Variants in ATP10B observed in about 807,000 individuals in gnomAD.
ATP10B encodes ATPase phospholipid transporting 10B (putative).
In ATP10B, 122 loss-of-function variants were observed where a neutral mutation model predicts 141.2. The ratio of observed to expected loss-of-function variants is 0.86; its 90% CI spans 0.75 to 1.00. The LOEUF (loss-of-function observed/expected upper bound fraction) is 1.00. Among genes scored for constraint, ATP10B ranks in the 50% least tolerant of loss-of-function variants. ATP10B has a pLI of 0.00. For synonymous variants in ATP10B, 685 were observed against 692.0 expected, an observed-to-expected ratio of 0.99 and a Z score of 0.16; for missense variants, 1,876 against 1,825.3, an observed-to-expected ratio of 1.03 and a Z score of -0.51.
At chr5:160,733,418 A>C (rs1766873177) in intron 2 of ATP10B, among the ~76,000 whole-genome samples, 1 of 152,168 alleles carries the variant, frequency 6.6e-6, no homozygotes, top group Non-Finnish European at 1.5e-5. Context: ...AAAACTTCCC[A>C]AATTTGACAA....
the ATP10B span, among the ~76,000 whole-genome samples, chr5:160,898,196 C>G: frequency 6.6e-6 from 1 of 152,106 alleles, no homozygotes. Context: ...AAGAAACTAT[C>G]ATTAGAGTGA....
At chr5:160,871,338 G>A in the ATP10B span, among the ~76,000 whole-genome samples, 2,197 of 152,074 alleles carry the variant, frequency 0.014, 27 homozygotes, top group Non-Finnish European at 0.023. Context: ...TTGTTATAAT[G>A]TACTCACATT....
rs115149982 is a variant in ATP10B, at chr5:160,665,465, A to G, written c.675+4998T>C. 6.8e-3 allele frequency among the ~76,000 whole-genome samples: 1,029 copies of G among 152,352 alleles called. 11 individuals are homozygous for G. Among genetic ancestry groups the G allele is most frequent in the African/African-American group, 0.023 (950 of 41,570 alleles). The stretch of plus-strand genomic sequence containing the variant: ...TGCTGAAAAATAATTCTTAGGTTAA[A>G]TAAATTTGGAGAGCTCAGGGCTAAA... On this transcript the variant is annotated intron_variant, in intron 7 of 25. Transcript: ENST00000327245.
rs1400557807 is a variant in ATP10B, at chr5:160,653,433, TACA to T, written c.676-4180_676-4178del. Reference sequence around the variant, plus strand: ...TACATAGGTAGTATATATACATATGTACATACATACATAGGTAGTATATATACA... The same window carrying T: ...TACATAGGTAGTATATATACATATGTTACATACATAGGTAGTATATATACA... On this transcript the variant is annotated intron_variant, in intron 7 of 25. Coordinates refer to ENST00000327245, the MANE Select transcript of ATP10B (RefSeq NM_025153.3). Among the ~76,000 whole-genome samples the T allele has an allele frequency of 7.8e-4, 34 of 43,456 alleles. 14 individuals are homozygous for T. Among genetic ancestry groups the T allele is most frequent in the African/African-American group, 1.9e-3 (22 of 11,300 alleles). The allele number at this position is 43,456 out of a possible 152,430, so 28.5% of individuals were successfully genotyped here.
In ATP10B at chr5:160,820,763, T is replaced by C. The variant is rs116326963; in HGVS notation, c.-576+31178A>G. ...TATGCAAATCAATCAATGGGATACA[T>C]CAGATGAACAGAATGAAGGTTAAAA... On this transcript the variant is annotated intron_variant, in intron 1 of 25. Coordinates refer to ENST00000327245, the MANE Select transcript of ATP10B (RefSeq NM_025153.3). Among the ~76,000 whole-genome samples, 1,066 of 152,214 alleles carry C rather than the reference T, an allele frequency of 7.0e-3. 18 individuals carry two copies. The highest frequency in any genetic ancestry group is 0.024 in the African/African-American group (1,005 of 41,564).
chr5:160,765,914 C>G (rs1348802426), intron 2 of ATP10B, among the ~76,000 whole-genome samples: 1 of 151,932 alleles, frequency 6.6e-6, no homozygotes, highest in African/African-American at 2.4e-5. Context: ...AGAAAATTTT[C>G]AAGAGAAGAT....
At chr5:160,684,217 T>C (rs1252112493) in intron 6 of ATP10B, among the ~76,000 whole-genome samples, 1 of 152,246 alleles carries the variant, frequency 6.6e-6, no homozygotes, top group Non-Finnish European at 1.5e-5. Flanking sequence ...GGGTTTGACA[T>C]TCTAAAAATA....
the ATP10B span, among the ~76,000 whole-genome samples, chr5:160,896,307 C>T: frequency 1.3e-5 from 2 of 150,064 alleles, no homozygotes; most frequent in Admixed American, 6.6e-5. Context: ...GACCACTAGC[C>T]AGATTATTAA....
intron 1 of ATP10B, among the ~76,000 whole-genome samples, chr5:160,840,129 G>A (rs1775720938): frequency 6.6e-6 from 1 of 151,980 alleles, no homozygotes; most frequent in Non-Finnish European, 1.5e-5. Context: ...TGTTTAGGAT[G>A]TCTCAACATA....
At chr5:160,636,635 T>A (rs1481281484) in intron 10 of ATP10B, among the ~76,000 whole-genome samples, 1 of 152,190 alleles carries the variant, frequency 6.6e-6, no homozygotes, top group African/African-American at 2.4e-5. Flanking sequence ...TTGTTCTTTT[T>A]TGTTCTGTGG....
At chr5:160,675,615 G>C (rs1317334174) in intron 6 of ATP10B, among the ~76,000 whole-genome samples, 1 of 152,218 alleles carries the variant, frequency 6.6e-6, no homozygotes, top group Non-Finnish European at 1.5e-5. Flanking sequence ...ACAGGATGAT[G>C]AGCTGGCCTG....
the ATP10B span, among the ~76,000 whole-genome samples, chr5:160,868,521 T>C: frequency 1.9e-4 from 25 of 130,396 alleles, no homozygotes; most frequent in East Asian, 1.2e-3. Context: ...TATGAACAGA[T>C]ACACACACAC....
At chr5:160,643,694 G>A (rs143787245) in intron 9 of ATP10B, among the ~76,000 whole-genome samples, 13 of 152,318 alleles carry the variant, frequency 8.5e-5, no homozygotes, top group Admixed American at 2.0e-4. Context: ...AGGCAGTGCT[G>A]GATGCTTTTC....
At chr5:160,825,745 T>G (rs1007645155) in intron 1 of ATP10B, among the ~76,000 whole-genome samples, 4 of 152,062 alleles carry the variant, frequency 2.6e-5, no homozygotes, top group African/African-American at 7.2e-5. Context: ...GTATACTGTA[T>G]CCAGGTAGTG....
chr5:160,691,860 G>A (rs1396317532), intron 3 of ATP10B: 1 of 152,138 alleles, frequency 6.6e-6, no homozygotes, highest in Non-Finnish European at 1.5e-5. Context: ...CTATCATAAT[G>A]TGACCAAAAG....
At chr5:160,699,187 G>T (rs2127759244) in intron 3 of ATP10B, among the ~76,000 whole-genome samples, 1 of 152,298 alleles carries the variant, frequency 6.6e-6, no homozygotes, top group South Asian at 2.1e-4. Context: ...AAAAGACAGT[G>T]CAGGCAATAT....
intron 1 of ATP10B, among the ~76,000 whole-genome samples, chr5:160,851,243 TC>T (rs1343556702): frequency 6.6e-6 from 1 of 152,176 alleles, no homozygotes; most frequent in Non-Finnish European, 1.5e-5. Flanking sequence ...AACTAGCAGC[TC>T]AGTATAATTT....
intron 17 of ATP10B, among the ~76,000 whole-genome samples, chr5:160,615,468 G>A (rs1294766327): frequency 6.6e-6 from 1 of 151,210 alleles, no homozygotes; most frequent in Non-Finnish European, 1.5e-5. Flanking sequence ...TAGACTCCAA[G>A]ATCTGGGAGG....
chr5:160,640,403 G>A, intron 10 of ATP10B, 58 bp downstream of exon 10: 2 of 1,577,988 alleles, frequency 1.3e-6, no homozygotes, highest in South Asian at 2.3e-5. Flanking sequence ...GGAAGCTGAA[G>A]AAACTTGCCC....
Sources: gnomAD v4.1 joint callset for allele counts (sites outside exome capture counted in the v4.1 genomes callset) on GRCh38, gnomAD v4.1.1 for gene constraint, MANE v1.5 for transcripts, NCBI Gene and HGNC (gene_info 2026-07-23, HGNC 2026-07-21) for gene names.